Variants in TRAF3 observed in about 807,000 individuals in gnomAD.
TRAF3 encodes the protein TNF receptor associated factor 3.
In TRAF3, 13 loss-of-function variants were observed where a neutral mutation model predicts 62.3. The ratio of observed to expected loss-of-function variants is 0.21; its 90% CI spans 0.14 to 0.33. The LOEUF (loss-of-function observed/expected upper bound fraction) is 0.33, where lower values mean the gene tolerates loss of function less well. Ranked by LOEUF, TRAF3 falls within the 10% of genes least tolerant of loss-of-function variation. The probability of loss-of-function intolerance (pLI) is 1.00; values close to 1 mark genes in which losing one functional copy is unlikely to be tolerated. For synonymous variants in TRAF3, 269 were observed against 283.4 expected (o/e 0.95, Z 0.51); for missense variants, 440 against 741.8 (o/e 0.59, Z 4.73).
intron 1 of TRAF3, among the ~76,000 whole-genome samples, chr14:102,788,171 C>G (rs1178164134): frequency 6.6e-6 from 1 of 151,996 alleles, no homozygotes; most frequent in Non-Finnish European, 1.5e-5. Context: ...GAATGTATTT[C>G]TATTACCTTA....
intron 6 of TRAF3, among the ~76,000 whole-genome samples, chr14:102,882,575 T>TC (rs1889130593): frequency 6.6e-6 from 1 of 151,750 alleles, no homozygotes; most frequent in African/African-American, 2.4e-5. Flanking sequence ...TTGTTTTTTT[T>TC]TTTTTTCAAT....
chr14:102,783,474 A>T (rs1033697825), intron 1 of TRAF3, among the ~76,000 whole-genome samples: 2 of 152,184 alleles, frequency 1.3e-5, no homozygotes, highest in Non-Finnish European at 2.9e-5. Flanking sequence ...TAAACCTGCT[A>T]TTTGAAACCT....
At chr14:102,812,016 G>A (rs1899212129) in intron 1 of TRAF3, among the ~76,000 whole-genome samples, 1 of 133,746 alleles carries the variant, frequency 7.5e-6, no homozygotes, top group African/African-American at 2.9e-5. Context: ...TCCTGCTTCA[G>A]CCTCCCAAAA....
In TRAF3 at chr14:102,794,688, A is replaced by G. The variant is rs554471481; in HGVS notation, c.-157+17013A>G. Among the ~76,000 whole-genome samples, 5 of 152,366 alleles carry G rather than the reference A, an allele frequency of 3.3e-5. No homozygotes were observed. In the East Asian group the frequency reaches 9.6e-4, roughly 29 times the overall value. On this transcript the variant is annotated intron_variant, in intron 1 of 11. Transcript: ENST00000392745. ...GATTCCATAGTGCTCTCAGTAATAT[A>G]TGTTAGATACCCATTTGAAAACTGT...
intron 2 of TRAF3, among the ~76,000 whole-genome samples, chr14:102,850,428 G>GGC (rs1357588157): frequency 6.6e-6 from 1 of 152,128 alleles, no homozygotes; most frequent in East Asian, 1.9e-4. Flanking sequence ...CGAGCGTGCT[G>GGC]GCTCACACCT....
intron 4 of TRAF3, among the ~76,000 whole-genome samples, chr14:102,874,462 T>C (rs1393047941): frequency 6.6e-6 from 1 of 152,120 alleles, no homozygotes. Context: ...TTTCACCGTG[T>C]TGGCCAGGCT....
At chr14:102,899,802 A>G (rs1180253481) in intron 10 of TRAF3, among the ~76,000 whole-genome samples, 1 of 152,124 alleles carries the variant, frequency 6.6e-6, no homozygotes, top group Non-Finnish European at 1.5e-5. Flanking sequence ...AGTGGAATTC[A>G]AGAGTGTCTT....
At chr14:102,871,890 A>G in intron 3 of TRAF3, 27 bp from the exon 4 acceptor site, 1 of 1,610,196 alleles carries the variant, frequency 6.2e-7, no homozygotes, top group Non-Finnish European at 8.5e-7. Context: ...CTTCCACTCT[A>G]ATGCAGTCAC....
At chr14:102,780,139 C>G (rs1280533143) in intron 1 of TRAF3, among the ~76,000 whole-genome samples, 1 of 151,980 alleles carries the variant, frequency 6.6e-6, no homozygotes, top group Non-Finnish European at 1.5e-5. Context: ...GAGAAGCAGC[C>G]GAGGCCTGAT....
At chr14:102,870,548 G>T in intron 3 of TRAF3, 102 bp downstream of exon 3, 1 of 1,475,882 alleles carries the variant, frequency 6.8e-7, no homozygotes, top group South Asian at 1.2e-5. Flanking sequence ...GAGGTTTAAA[G>T]CCCTAAAGAA....
chr14:102,798,533 A>G (rs987277289), intron 1 of TRAF3, among the ~76,000 whole-genome samples: 1 of 151,982 alleles, frequency 6.6e-6, no homozygotes, highest in African/African-American at 2.4e-5. Flanking sequence ...CCAGCTCCTC[A>G]GGAGGCTGAG....
chr14:102,806,635 A>G (rs550587720), intron 1 of TRAF3, among the ~76,000 whole-genome samples: 8 of 152,260 alleles, frequency 5.3e-5, no homozygotes, highest in African/African-American at 1.4e-4. Flanking sequence ...CATGGCAGGA[A>G]ATGATATGGG....
intron 6 of TRAF3, among the ~76,000 whole-genome samples, chr14:102,877,731 T>A (rs1228656841): frequency 1.7e-5 from 2 of 115,960 alleles, no homozygotes; most frequent in Non-Finnish European, 3.5e-5. Context: ...CCACAGGCCC[T>A]CCCTCAACTC....
Position 102,903,787 on chromosome 14 carries a change from C to G in TRAF3, c.1135+358C>G. On this transcript the variant is annotated intron_variant, in intron 11 of 11. Coordinates refer to ENST00000392745, the MANE Select transcript of TRAF3 (RefSeq NM_145725.3). The surrounding 1 kb of genome is among the most constrained non-coding windows in gnomAD (Gnocchi z 6.4). ...CCAGGACCTGCTGGTCGGGGCGCCC[C>G]AGACCCCACTCCTAAGGGCCAGGGG... is the stretch of plus-strand genomic sequence containing the variant. The G allele has an allele frequency of 2.1e-6, 1 of 485,222 alleles. No individual in the cohort carries two copies. The highest frequency in any genetic ancestry group is 4.1e-6 in the Non-Finnish European group (1 of 246,582). The allele number at this position is 485,222 out of a possible 1,614,324, so 30.1% of individuals were successfully genotyped here.
At chr14:102,879,653 T>C (rs907642658) in intron 6 of TRAF3, among the ~76,000 whole-genome samples, 2 of 151,354 alleles carry the variant, frequency 1.3e-5, no homozygotes, top group Admixed American at 1.3e-4. Flanking sequence ...CAAAAGTAAT[T>C]GCGTTTTTTG....
intron 6 of TRAF3, 118 bp from the exon 7 acceptor site, chr14:102,886,071 A>G: frequency 1.2e-6 from 1 of 842,416 alleles, no homozygotes; most frequent in Middle Eastern, 2.2e-4. Flanking sequence ...TGAGTGCCAT[A>G]ACTTAGAGGA....
intron 1 of TRAF3, among the ~76,000 whole-genome samples, chr14:102,791,018 T>G (rs2139411081): frequency 6.6e-6 from 1 of 151,666 alleles, no homozygotes; most frequent in African/African-American, 2.4e-5. Context: ...GTCTTTTCTT[T>G]TCTTTTTTTT....
At chr14:102,814,214 A>G (rs1489682563) in intron 1 of TRAF3, among the ~76,000 whole-genome samples, 1 of 152,186 alleles carries the variant, frequency 6.6e-6, no homozygotes, top group Non-Finnish European at 1.5e-5. Flanking sequence ...GTCAAAAATC[A>G]GTTGGCTGTA....
At chr14:102,894,285 C>T (rs149911477) in intron 9 of TRAF3, among the ~76,000 whole-genome samples, 59 of 152,238 alleles carry the variant, frequency 3.9e-4, no homozygotes, top group African/African-American at 1.4e-3. Context: ...CAAGATCATG[C>T]CACTGCATTC....
Sources: gnomAD v4.1 joint callset for allele counts (sites outside exome capture counted in the v4.1 genomes callset) on GRCh38, gnomAD v4.1.1 for gene constraint, Gnocchi (gnomAD v3.1) non-coding constraint, MANE v1.5 for transcripts, NCBI Gene and HGNC (gene_info 2026-07-23, HGNC 2026-07-21) for gene names.